Variants in ABR observed in about 807,000 individuals in gnomAD.
ABR encodes active breakpoint cluster region-related protein.
In ABR, 35 loss-of-function variants were observed where a neutral mutation model predicts 107.2. The observed-to-expected ratio is 0.33, with a 90% CI of 0.25 to 0.43. ABR has a LOEUF of 0.43. Ranked by LOEUF, ABR falls within the 20% of genes least tolerant of loss-of-function variation. The pLI, the probability that ABR is intolerant of heterozygous loss-of-function variation, is 1.00. For synonymous variants in ABR, 498 were observed against 462.0 expected, an observed-to-expected ratio of 1.08 and a Z score of -1.00; for missense variants, 815 against 1,115.2, an observed-to-expected ratio of 0.73 and a Z score of 3.83.
chr17:1,114,472 A>T (rs1005262263), intron 2 of ABR, among the ~76,000 whole-genome samples: 2 of 149,848 alleles, frequency 1.3e-5, no homozygotes, highest in Non-Finnish European at 3.0e-5. Flanking sequence ...TCTGTCTCAA[A>T]AAAAAAAAAA....
At chr17:1,194,164 CCTTT>C (rs374056920) in intron 1 of ABR, among the ~76,000 whole-genome samples, 42 of 151,880 alleles carry the variant, frequency 2.8e-4, no homozygotes, top group African/African-American at 9.9e-4. Flanking sequence ...AAGGGTGTTT[CCTTT>C]GTTTTTTTTT....
In ABR at chr17:1,162,641, C is replaced by G. The variant is rs139872974; in HGVS notation, c.61+17026G>C. Among the ~76,000 whole-genome samples the G allele has an allele frequency of 1.2e-4, 18 of 152,302 alleles. No individual in the cohort carries two copies. The South Asian group carries it at 3.7e-3, about 32-fold the overall frequency. On this transcript the variant is annotated intron_variant, in intron 1 of 22. Coordinates refer to ENST00000302538, the MANE Select transcript of ABR (RefSeq NM_021962.5). ...CCTGAGTGTGGCATCTGCTTCCTGA[C>G]GGGCCCTAATGGATGTGGCTCACAC...
chr17:1,229,048 A>G (rs1487630854), exon 1 of ABR: 1 of 151,464 alleles, frequency 6.6e-6, no homozygotes, highest in Non-Finnish European at 1.5e-5. Context: ...AGGTGCATCC[A>G]GCGGCGGGGG....
In ABR at chr17:1,070,851, G is replaced by A. The variant is rs1008645674; in HGVS notation, c.895-761C>T. ...CATCTGCTGTAATACGTAGGTGAGC[G>A]TATTCAAAGTATACAATTAAGATGA... On this transcript the variant is annotated intron_variant, in intron 8 of 22. Transcript: ENST00000302538. This position sits in a 1 kb window ranked among gnomAD's most constrained non-coding sequence, Gnocchi z 4.2. Among the ~76,000 whole-genome samples the A allele has an allele frequency of 6.6e-5, 10 of 152,276 alleles. No homozygotes were observed. The East Asian group carries it at 7.7e-4, about 12-fold the overall frequency.
At chr17:1,186,540 C>T (rs553171425) in intron 1 of ABR, among the ~76,000 whole-genome samples, 6 of 152,378 alleles carry the variant, frequency 3.9e-5, no homozygotes, top group African/African-American at 1.4e-4. Context: ...CCCCCACACA[C>T]TTCCCAGGGG....
intron 5 of ABR, among the ~76,000 whole-genome samples, chr17:1,080,469 G>GGCAGACGGA (rs2036139764): frequency 6.6e-6 from 1 of 152,116 alleles, no homozygotes; most frequent in African/African-American, 2.4e-5. Context: ...ATCCCCACTT[G>GGCAGACGGA]GCAGACGGAG....
At chr17:1,161,169 T>A (rs1475307981) in intron 1 of ABR, among the ~76,000 whole-genome samples, 6 of 149,970 alleles carry the variant, frequency 4.0e-5, no homozygotes, top group African/African-American at 1.5e-4. Context: ...GTCTTTTTTT[T>A]TTTTCTGAGT....
chr17:1,229,663 G>A (rs906529329), exon 1 of ABR, among the ~76,000 whole-genome samples: 7 of 151,950 alleles, frequency 4.6e-5, no homozygotes, highest in African/African-American at 1.7e-4. Context: ...ACCCTTCCCC[G>A]CGGCCCCCGA....
rs2070778479 is a variant in ABR, at chr17:1,013,143, T to C, written c.1813A>G (p.Thr605Ala). The C allele has an allele frequency of 9.9e-6, 16 of 1,614,146 alleles. No homozygotes were observed. Among genetic ancestry groups the C allele is most frequent in the Non-Finnish European group, 1.4e-5 (16 of 1,180,006 alleles). The change falls in exon 17 of 23, where the codon ACC becomes GCC. Residue 605 changes from threonine (T) to alanine (A), a missense_variant. Thr to Ala is a moderately conservative substitution (Grantham distance 58, BLOSUM62 0). Transcript: ENST00000302538. ...QIQLDPQTVE[T>A]KNWHTDVIEM... Reference sequence around the variant, plus strand: ...ATCACGTCCGTGTGCCAGTTCTTGGTCTCCACGGTTTGTGGGTCCAGCTGC... The same window carrying C: ...ATCACGTCCGTGTGCCAGTTCTTGGCCTCCACGGTTTGTGGGTCCAGCTGC...
chr17:1,171,431 C>T (rs1287864984), intron 1 of ABR, among the ~76,000 whole-genome samples: 7 of 152,192 alleles, frequency 4.6e-5, no homozygotes, highest in Non-Finnish European at 1.0e-4. Context: ...CCAGCTCCAC[C>T]GATGCCCCGG....
chr17:1,073,755 C>G, intron 6 of ABR, 78 bp from the exon 7 acceptor site: 2 of 1,326,172 alleles, frequency 1.5e-6, no homozygotes, highest in Non-Finnish European at 2.1e-6. Context: ...CAGCTTCGTC[C>G]CCCCACCCGC....
chr17:1,045,765 C>G (rs1020190449), intron 16 of ABR, among the ~76,000 whole-genome samples: 1 of 152,208 alleles, frequency 6.6e-6, no homozygotes, highest in African/African-American at 2.4e-5. Context: ...GAACATGGAC[C>G]AATATACTCG....
intron 16 of ABR, among the ~76,000 whole-genome samples, chr17:1,044,207 C>G (rs117277880): frequency 0.028 from 4,239 of 149,322 alleles, 99 homozygotes; most frequent in Non-Finnish European, 0.044. Context: ...GGAGGGGGGG[C>G]TCCCAGCTAA....
At chr17:1,079,443 G>GC in intron 5 of ABR, 53 bp from the exon 6 acceptor site, 1 of 1,520,986 alleles carries the variant, frequency 6.6e-7, no homozygotes. Context: ...ACCTCTCCCA[G>GC]CCCCCACTGT....
rs1227321187 is a variant in ABR at position 1,179,014 on chromosome 17, T to C, written c.61+653A>G. Among the ~76,000 whole-genome samples the C allele has an allele frequency of 6.6e-6, 1 of 151,276 alleles. No individual in the cohort carries two copies. Among genetic ancestry groups the C allele is most frequent in the Admixed American group, 6.6e-5 (1 of 15,238 alleles). ...AACTCGAGAAGGTTTGTTTTTTTTT[T>C]CTTCTGAGGGTGGTGGTGATGATGA... is the stretch of plus-strand genomic sequence containing the variant. On this transcript the variant is annotated intron_variant, in intron 1 of 22. Coordinates refer to ENST00000302538, the MANE Select transcript of ABR (RefSeq NM_021962.5). This position sits in a 1 kb window ranked among gnomAD's most constrained non-coding sequence, Gnocchi z 4.9.
Position 1,202,256 on chromosome 17 carries a change from G to A in ABR, c.838+26537C>T, listed in dbSNP as rs529666977. On this transcript the variant is annotated intron_variant, in intron 1 of 22. Transcript: ENST00000574139. ...TTGGCTAGGCTGGTCTCCAACTCCCGACCTCAGGTGATCCACCCCCTTCGG... is the reference window on the plus strand; with the variant it reads ...TTGGCTAGGCTGGTCTCCAACTCCCAACCTCAGGTGATCCACCCCCTTCGG... Among the ~76,000 whole-genome samples, 8 of 151,426 alleles carry A rather than the reference G, an allele frequency of 5.3e-5. No homozygotes were observed. The South Asian group carries it at 6.3e-4, about 12-fold the overall frequency.
At position 1,009,103 on chromosome 17, in the gene ABR, C is replaced by T. The variant is rs550606994; in HGVS notation, c.2342+576G>A. On this transcript the variant is annotated intron_variant, in intron 21 of 22. Coordinates refer to ENST00000302538, the MANE Select transcript of ABR (RefSeq NM_021962.5). ...AACCCATGCTGTAACACAGTCCACA[C>T]GTCTCTATGTAACTGAAAAGCAGCA... Among the ~76,000 whole-genome samples, 10 of 152,252 alleles carry T rather than the reference C, an allele frequency of 6.6e-5. No homozygotes were observed. The South Asian group carries it at 1.2e-3, about 19-fold the overall frequency.
At position 1,081,768 on chromosome 17, in the gene ABR, C is replaced by T. The variant is rs142421621; in HGVS notation, c.639+1752G>A. ...ATTTTTGTATCTTTAGTAGAGACGG[C>T]GTTTCGCCACGTTGGCCAGGCTGGT... On this transcript the variant is annotated intron_variant, in intron 5 of 22. Coordinates refer to ENST00000302538, the MANE Select transcript of ABR (RefSeq NM_021962.5). 5.4e-3 allele frequency among the ~76,000 whole-genome samples: 817 copies of T among 151,806 alleles called. 8 individuals carry two copies. The highest frequency in any genetic ancestry group is 0.019 in the African/African-American group (770 of 41,408).
intron 1 of ABR, among the ~76,000 whole-genome samples, chr17:1,132,221 A>ATG (rs1246833668): frequency 1.3e-4 from 20 of 150,498 alleles, no homozygotes; most frequent in Middle Eastern, 3.6e-3. Context: ...ACACAAAGAC[A>ATG]CGCACACACA....
Sources: allele counts gnomAD v4.1 joint callset (sites outside exome capture counted in the v4.1 genomes callset), GRCh38; gene constraint gnomAD v4.1.1; non-coding constraint Gnocchi (gnomAD v3.1); transcripts MANE v1.5; gene names NCBI Gene and HGNC (gene_info 2026-07-23, HGNC 2026-07-21).